Variants in DGKK observed in about 807,000 individuals in gnomAD.
The protein encoded by DGKK is 142 kDa diacylglycerol kinase.
Under a neutral mutation model 92.2 loss-of-function variants are expected in DGKK, and 35 were observed. That is an observed-to-expected ratio of 0.38 (90% CI 0.29 to 0.50). The LOEUF is 0.50. DGKK is among the 20% of genes least tolerant of loss of function. The pLI is 0.92. For missense variants in DGKK, 910 were observed against 992.2 expected, an observed-to-expected ratio of 0.92 and a Z score of 1.11; for synonymous variants, 368 against 360.6, an observed-to-expected ratio of 1.02 and a Z score of -0.23.
chrX:50,459,236 A>G (rs1259590967), intron 1 of DGKK, among the ~76,000 whole-genome samples: 1 of 111,393 alleles, frequency 9.0e-6, no homozygotes, highest in Admixed American at 9.6e-5. Context: ...ATCATATTAT[A>G]AAGCATTTAA....
chrX:50,455,864 C>T (rs939212020), intron 1 of DGKK, among the ~76,000 whole-genome samples: 1 of 111,844 alleles, frequency 8.9e-6, no homozygotes, highest in Non-Finnish European at 1.9e-5. Flanking sequence ...TATTTGCCCA[C>T]ATTTGTCTAC....
At chrX:50,376,989 G>A in intron 22 of DGKK, 71 bp from the exon 23 acceptor site, 2 of 1,052,966 alleles carry the variant, frequency 1.9e-6, no homozygotes, top group Non-Finnish European at 2.5e-6. Flanking sequence ...ATCTGTCTGT[G>A]AGCCTGACGT....
At chrX:50,372,585 A>G (rs1924168511) in intron 25 of DGKK, among the ~76,000 whole-genome samples, 1 of 112,218 alleles carries the variant, frequency 8.9e-6, no homozygotes, top group Admixed American at 9.4e-5. Context: ...TGACTAATTA[A>G]GAAATGAGTT....
In DGKK at chrX:50,449,091, A is replaced by T. The variant is rs1926433699; in HGVS notation, c.645+20943T>A. Among the ~76,000 whole-genome samples, 3 of 111,425 alleles carry T rather than the reference A, an allele frequency of 2.7e-5. No individual in the cohort carries two copies. In the South Asian group the frequency reaches 1.1e-3, roughly 42 times the overall value. The stretch of plus-strand genomic sequence containing the variant: ...CACATCAGTTTCCTTCTTTGTTGAG[A>T]TCACCACTACATTGCAGGAAGATCA... On this transcript the variant is annotated intron_variant, in intron 1 of 27. Transcript: ENST00000611977.
chrX:50,464,863 C>G (rs940045286), intron 1 of DGKK, among the ~76,000 whole-genome samples: 1 of 111,257 alleles, frequency 9.0e-6, no homozygotes, highest in African/African-American at 3.3e-5. Flanking sequence ...CACCCATCAC[C>G]ATTCTCTGAT....
chrX:50,455,340 CTATT>C (rs1162306548), intron 1 of DGKK, among the ~76,000 whole-genome samples: 6 of 112,054 alleles, frequency 5.4e-5, no homozygotes, highest in Non-Finnish European at 9.4e-5. Context: ...ATCTATGTCT[CTATT>C]TATCTGTCTA....
At chrX:50,428,195 A>AATTATTATT (rs10665078) in intron 1 of DGKK, among the ~76,000 whole-genome samples, 1,130 of 105,347 alleles carry the variant, frequency 0.011, 14 homozygotes, top group African/African-American at 0.037. Context: ...TCCAATAATA[A>AATTATTATT]ATTATTATTA....
In DGKK at chrX:50,401,144, AACG is replaced by A. The variant is rs1199161659; in HGVS notation, c.1309-8_1309-6del. On this transcript the variant is annotated splice_region_variant and splice_polypyrimidine_tract_variant and intron_variant, in intron 7 of 27. Coordinates refer to ENST00000611977, the MANE Select transcript of DGKK (RefSeq NM_001013742.4). ...TCTCCTACAGTCATCATGCACCTGA[AACG>A]ACAAGAGAAGAGCAGAGAAAAAAAA... 1 of 1,186,146 alleles carries A rather than the reference AACG, an allele frequency of 8.4e-7. No homozygotes were observed. Among genetic ancestry groups the A allele is most frequent in the African/African-American group, 1.8e-5 (1 of 56,575 alleles).
chrX:50,426,802 C>A (rs1925753279), intron 1 of DGKK, among the ~76,000 whole-genome samples: 1 of 111,550 alleles, frequency 9.0e-6, no homozygotes, highest in Non-Finnish European at 1.9e-5. Context: ...AATTAAATAC[C>A]ACTACATGTG....
intron 10 of DGKK, 147 bp from the exon 11 acceptor site, chrX:50,391,723 G>C: frequency 1.5e-6 from 1 of 650,135 alleles, no homozygotes; most frequent in Non-Finnish European, 2.3e-6. Flanking sequence ...AAGGTAATGA[G>C]AGGATGTTTG....
intron 1 of DGKK, among the ~76,000 whole-genome samples, chrX:50,449,806 C>T (rs1395989427): frequency 1.8e-5 from 2 of 111,866 alleles, no homozygotes; most frequent in Non-Finnish European, 1.9e-5. Flanking sequence ...CGAAAGTCCC[C>T]CTGGCAACTG....
At position 50,447,347 on chromosome X, in the gene DGKK, A is replaced by ATATATATATAT. The variant is rs1926350233; in HGVS notation, c.645+22686_645+22687insATATATATATA. Among the ~76,000 whole-genome samples, 10 of 9,461 alleles carry ATATATATATAT rather than the reference A, an allele frequency of 1.1e-3. 2 individuals carry two copies. Among genetic ancestry groups the ATATATATATAT allele is most frequent in the African/African-American group, 8.2e-3 (10 of 1,216 alleles). 8.2% of individuals were successfully genotyped at this position (9,461 alleles called of 115,157 possible). On this transcript the variant is annotated intron_variant, in intron 1 of 27. Transcript: ENST00000611977. Reference sequence around the variant, plus strand: ...GTATGTATATATATATATATATTATATATATATATAATATATATATATTAT... The same window carrying ATATATATATAT: ...GTATGTATATATATATATATATTATATATATATATATTATATATATAATATATATATATTAT...
intron 1 of DGKK, among the ~76,000 whole-genome samples, chrX:50,462,993 C>T (rs73213622): frequency 1.0e-5 from 1 of 99,288 alleles, no homozygotes; most frequent in African/African-American, 3.6e-5. Context: ...ACCACCCCCC[C>T]CACACGCACA....
intron 1 of DGKK, among the ~76,000 whole-genome samples, chrX:50,465,631 C>CTCT (rs1313981978): frequency 9.0e-6 from 1 of 110,876 alleles, no homozygotes; most frequent in African/African-American, 3.3e-5. Context: ...TCTCTGGCTC[C>CTCT]TCTTCTATGC....
At chrX:50,413,458 C>T (rs915421555) in intron 4 of DGKK, among the ~76,000 whole-genome samples, 1 of 112,116 alleles carries the variant, frequency 8.9e-6, no homozygotes, top group East Asian at 2.8e-4. Flanking sequence ...GCAAACCATA[C>T]ATCTGATAAG....
intron 1 of DGKK, among the ~76,000 whole-genome samples, chrX:50,440,717 C>T (rs1926151392): frequency 9.0e-6 from 1 of 111,295 alleles, no homozygotes; most frequent in Non-Finnish European, 1.9e-5. Flanking sequence ...TAACTTGTCC[C>T]CTCCAAATGG....
chrX:50,445,141 TTGTAAATC>T (rs1164191829), intron 1 of DGKK, among the ~76,000 whole-genome samples: 1 of 105,262 alleles, frequency 9.5e-6, no homozygotes, highest in Non-Finnish European at 2.0e-5. Context: ...TTTTTTTTTT[TTGTAAATC>T]TGTTTAAGCT....
intron 4 of DGKK, among the ~76,000 whole-genome samples, chrX:50,415,001 A>T (rs782545569): frequency 1.8e-5 from 2 of 112,158 alleles, no homozygotes; most frequent in Admixed American, 9.4e-5. Flanking sequence ...CCATCCCACC[A>T]CAGGCCCAAA....
intron 25 of DGKK, among the ~76,000 whole-genome samples, chrX:50,372,293 A>G (rs1924156322): frequency 8.9e-6 from 1 of 111,971 alleles, no homozygotes; most frequent in Non-Finnish European, 1.9e-5. Flanking sequence ...TTTTCATTCC[A>G]TGGGTGAGAA....
Sources: allele counts gnomAD v4.1 joint callset (sites outside exome capture counted in the v4.1 genomes callset), GRCh38; gene constraint gnomAD v4.1.1; transcripts MANE v1.5; gene names NCBI Gene and HGNC (gene_info 2026-07-23, HGNC 2026-07-21).